The following GPR89B variants were observed in gnomAD, a reference collection of about 807,000 sequenced individuals.
GPR89B encodes golgi pH regulator B, also known as G protein-coupled receptor 89B.
A neutral mutation model predicts 52.4 loss-of-function variants in GPR89B; 25 were observed. The observed-to-expected ratio is 0.48, with a 90% CI of 0.35 to 0.67. GPR89B has a LOEUF of 0.67. GPR89B is among the 30% of genes least tolerant of loss of function. GPR89B has a pLI of 0.01. For missense variants in GPR89B, 146 were observed against 450.2 expected (o/e 0.32, Z 6.11); for synonymous variants, 52 against 151.2 (o/e 0.34, Z 4.81).
the GPR89B span, among the ~76,000 whole-genome samples, chr1:148,023,498 G>T: frequency 7.2e-6 from 1 of 138,492 alleles, no homozygotes; most frequent in Non-Finnish European, 1.5e-5. Flanking sequence ...CTCTGTTGTA[G>T]GTTCTTTGAG....
chr1:147,979,573 T>G (rs1204228801), intron 10 of GPR89B, among the ~76,000 whole-genome samples: 5 of 152,134 alleles, frequency 3.3e-5, no homozygotes, highest in African/African-American at 1.2e-4. Context: ...CATAGTTTAT[T>G]GAGTATTGTT....
At chr1:147,937,712 T>C (rs1206975895) in intron 2 of GPR89B, among the ~76,000 whole-genome samples, 1 of 152,212 alleles carries the variant, frequency 6.6e-6, no homozygotes, top group East Asian at 1.9e-4. Flanking sequence ...ACCTTATGGT[T>C]ATCTTTCCGT....
At chr1:147,983,829 A>G (rs1306181874) in intron 10 of GPR89B, among the ~76,000 whole-genome samples, 1 of 152,112 alleles carries the variant, frequency 6.6e-6, no homozygotes, top group Non-Finnish European at 1.5e-5. Flanking sequence ...ATTACTGGGT[A>G]TATACCCAAA....
intron 10 of GPR89B, among the ~76,000 whole-genome samples, chr1:147,977,111 A>G (rs1395720646): frequency 0.044 from 6,566 of 150,656 alleles, 233 homozygotes; most frequent in African/African-American, 0.073. Context: ...GCAGGCGCCT[A>G]TAGTCCTAGC....
At chr1:148,011,096 G>C in the GPR89B span, 1 of 152,048 alleles carries the variant, frequency 6.6e-6, no homozygotes, top group Non-Finnish European at 1.5e-5. Flanking sequence ...CCCCACCTAC[G>C]CGGGAGACCT....
intron 7 of GPR89B, among the ~76,000 whole-genome samples, chr1:147,958,597 A>G (rs1409209067): frequency 6.9e-6 from 1 of 144,828 alleles, no homozygotes; most frequent in African/African-American, 2.6e-5. Flanking sequence ...CCGAGATTAC[A>G]CCACTGCACT....
intron 10 of GPR89B, among the ~76,000 whole-genome samples, chr1:147,980,099 A>G (rs1166178166): frequency 1.5e-3 from 230 of 149,626 alleles, no homozygotes; most frequent in African/African-American, 5.6e-3. Flanking sequence ...AAAAAAAAAA[A>G]TTGATTCCAT....
At chr1:148,023,764 C>A in the GPR89B span, among the ~76,000 whole-genome samples, 1 of 150,964 alleles carries the variant, frequency 6.6e-6, no homozygotes, top group Non-Finnish European at 1.5e-5. Context: ...TTCATGTCAC[C>A]TTGCCCACTT....
intron 3 of GPR89B, among the ~76,000 whole-genome samples, chr1:147,940,197 A>T (rs1230704306): frequency 6.6e-6 from 1 of 151,866 alleles, no homozygotes; most frequent in Non-Finnish European, 1.5e-5. Context: ...AGGTCAGGAG[A>T]TCAAGACCAT....
chr1:147,930,848 A>G (rs587760824), intron 1 of GPR89B, among the ~76,000 whole-genome samples: 1 of 152,184 alleles, frequency 6.6e-6, no homozygotes, highest in East Asian at 1.9e-4. Context: ...TAACCTGGCC[A>G]TGCTATGGTG....
the GPR89B span, chr1:148,010,077 T>C: frequency 6.4e-6 from 1 of 155,204 alleles, no homozygotes; most frequent in African/African-American, 2.4e-5. Context: ...ACTCTAGTGT[T>C]ATAAGCAGGC....
At chr1:147,939,834 CAA>C (rs1211144519) in intron 3 of GPR89B, among the ~76,000 whole-genome samples, 1 of 150,842 alleles carries the variant, frequency 6.6e-6, no homozygotes, top group Non-Finnish European at 1.5e-5. Flanking sequence ...CCTGTCTCTA[CAA>C]AAAAATAAAA....
At chr1:148,023,399 G>A in the GPR89B span, among the ~76,000 whole-genome samples, 1 of 146,196 alleles carries the variant, frequency 6.8e-6, no homozygotes, top group South Asian at 2.3e-4. Context: ...CTGGTGTGGT[G>A]ATCATAGGAG....
intron 11 of GPR89B, among the ~76,000 whole-genome samples, chr1:147,987,323 C>T (rs1337814296): frequency 2.0e-5 from 3 of 151,938 alleles, no homozygotes; most frequent in Non-Finnish European, 2.9e-5. Flanking sequence ...AGTTCAAGAC[C>T]AGCCTGGGCA....
the GPR89B span, among the ~76,000 whole-genome samples, chr1:148,006,471 G>A: frequency 1.3e-5 from 2 of 151,962 alleles, no homozygotes; most frequent in East Asian, 3.9e-4. Flanking sequence ...TATTAATAGA[G>A]CAGTTCCCCC....
chr1:147,959,990 G>GA (rs1430825101), intron 7 of GPR89B, among the ~76,000 whole-genome samples: 2 of 148,244 alleles, frequency 1.3e-5, no homozygotes, highest in Non-Finnish European at 3.0e-5. Flanking sequence ...CCACAGAGAG[G>GA]ATAAGCCCTA....
intron 9 of GPR89B, chr1:147,969,201 T>A (rs1192931916): frequency 4.5e-5 from 21 of 466,238 alleles, no homozygotes; most frequent in Non-Finnish European, 7.3e-5. Context: ...CAGAAGAGGC[T>A]TTTCAACATT....
chr1:147,948,910 T>C (rs1553250263), intron 5 of GPR89B, among the ~76,000 whole-genome samples: 1 of 152,096 alleles, frequency 6.6e-6, no homozygotes, highest in African/African-American at 2.4e-5. Context: ...CCCTGCGGCC[T>C]TCCGCAGTGT....
intron 10 of GPR89B, among the ~76,000 whole-genome samples, chr1:147,970,663 C>T (rs1397249734): frequency 3.3e-5 from 5 of 150,834 alleles, no homozygotes; most frequent in Admixed American, 6.6e-5. Context: ...TCAACTTCTA[C>T]CTTCAGCTCA....
Sources: allele counts gnomAD v4.1 joint callset (sites outside exome capture counted in the v4.1 genomes callset), GRCh38; gene constraint gnomAD v4.1.1; transcripts MANE v1.5; gene names NCBI Gene and HGNC (gene_info 2026-07-23, HGNC 2026-07-21).